The following IPO9 variants were observed in gnomAD, a reference collection of about 807,000 sequenced individuals.
IPO9 encodes importin 9.
IPO9 carries 28 observed loss-of-function variants against 128.6 expected under a neutral mutation model. The ratio of observed to expected loss-of-function variants is 0.22; its 90% CI spans 0.16 to 0.30. The LOEUF is 0.30. Among genes scored for constraint, IPO9 ranks in the 10% least tolerant of loss-of-function variants. IPO9 has a pLI of 1.00. For missense variants in IPO9, 935 were observed against 1,293.9 expected (o/e 0.72, Z 4.26); for synonymous variants, 455 against 475.8 (o/e 0.96, Z 0.57).
chr1:201,865,344 G>A (rs1322802328), intron 14 of IPO9, among the ~76,000 whole-genome samples: 1 of 151,970 alleles, frequency 6.6e-6, no homozygotes, highest in Non-Finnish European at 1.5e-5. Flanking sequence ...CAGCAGCTGG[G>A]ATTACAGGCA....
rs371377818 is a variant in IPO9, at chr1:201,871,187, G to A, written c.2436G>A (p.Leu812=). The part of the protein sequence containing the change: ...MQSLIMVFAH[L]VHTQLEPLLE... ...CCCTGATCATGGTGTTCGCTCATCT[G>A]GTGCACACTCAGCTAGAACCTCTCT... Residue 812 remains leucine, a synonymous_variant, in exon 19 of 24, where the codon CTG becomes CTA. Coordinates refer to ENST00000361565, the MANE Select transcript of IPO9 (RefSeq NM_018085.5). 20 of 1,613,858 alleles carry A rather than the reference G, an allele frequency of 1.2e-5. No individual in the cohort carries two copies. The East Asian group carries it at 3.8e-4, about 31-fold the overall frequency.
chr1:201,861,430 T>G (rs1050151685), intron 13 of IPO9, among the ~76,000 whole-genome samples: 11 of 152,216 alleles, frequency 7.2e-5, no homozygotes, highest in African/African-American at 2.7e-4. Context: ...ATATGAGATA[T>G]TCAACACTTT....
chr1:201,855,246 A>G, intron 9 of IPO9, 64 bp downstream of exon 9: 4 of 1,032,016 alleles, frequency 3.9e-6, no homozygotes, highest in Non-Finnish European at 6.0e-6. Context: ...GAAGCCAGAG[A>G]TGGGGGCGGG....
At chr1:201,843,717 A>G (rs547959832) in intron 1 of IPO9, among the ~76,000 whole-genome samples, 2 of 151,932 alleles carry the variant, frequency 1.3e-5, no homozygotes, top group African/African-American at 4.8e-5. Flanking sequence ...AATTCCAGCT[A>G]TTCCAGAGGC....
chr1:201,829,464 C>T (rs1171200928), intron 1 of IPO9, 92 bp downstream of exon 1: 2 of 1,302,204 alleles, frequency 1.5e-6, no homozygotes, highest in East Asian at 6.2e-5. Flanking sequence ...GAGCCTGAGC[C>T]AGTTGGAGAT....
At position 201,880,191 on chromosome 1, in the gene IPO9, A is replaced by T. The variant is rs1452064722; in HGVS notation, c.*4137A>T. 2 of 152,208 alleles carry T rather than the reference A, an allele frequency of 1.3e-5. No homozygotes were observed. The highest frequency in any genetic ancestry group is 2.4e-5 in the African/African-American group (1 of 41,436). 9.4% of individuals were successfully genotyped at this position (152,208 alleles called of 1,614,324 possible). Reference sequence around the variant, plus strand: ...GGCAATACCTTGTCTCTTAAAATTTAAAATAAAAAAAAAGTTTATTATGCC... The same window carrying T: ...GGCAATACCTTGTCTCTTAAAATTTTAAATAAAAAAAAAGTTTATTATGCC... On this transcript the variant is annotated 3_prime_UTR_variant, in exon 24 of 24. Transcript: ENST00000361565.
chr1:201,851,204 A>C (rs1248942518), intron 4 of IPO9, among the ~76,000 whole-genome samples: 1 of 141,888 alleles, frequency 7.0e-6, no homozygotes, highest in Middle Eastern at 3.8e-3. Context: ...TTTTAAATGT[A>C]CTGGCAGATC....
At chr1:201,859,787 C>G (rs1680408759) in intron 13 of IPO9, among the ~76,000 whole-genome samples, 1 of 152,132 alleles carries the variant, frequency 6.6e-6, no homozygotes. Flanking sequence ...TGGCGAAACC[C>G]CATCTCTACT....
rs564753130 is a variant in IPO9, at chr1:201,851,608, G to A, written c.515-496G>A. Among the ~76,000 whole-genome samples the A allele has an allele frequency of 2.7e-4, 41 of 152,148 alleles. No individual in the cohort carries two copies. The South Asian group carries it at 3.9e-3, about 15-fold the overall frequency. On this transcript the variant is annotated intron_variant, in intron 4 of 23. Transcript: ENST00000361565. Reference sequence around the variant, plus strand: ...GTTAGCAGCAGCCTCTGACTTTTAGGTCAATAAAATCTGAGAAGAGTAACA... The same window carrying A: ...GTTAGCAGCAGCCTCTGACTTTTAGATCAATAAAATCTGAGAAGAGTAACA...
chr1:201,838,947 C>T (rs1344928831), intron 1 of IPO9, among the ~76,000 whole-genome samples: 5 of 148,282 alleles, frequency 3.4e-5, no homozygotes, highest in African/African-American at 1.2e-4. Flanking sequence ...TGAGATGGAG[C>T]CTTGCTGTGT....
chr1:201,833,742 T>C (rs962777416), intron 1 of IPO9, among the ~76,000 whole-genome samples: 1 of 152,250 alleles, frequency 6.6e-6, no homozygotes, highest in Non-Finnish European at 1.5e-5. Context: ...GAAGTTATTA[T>C]GGTGTACAGT....
intron 21 of IPO9, 93 bp from the exon 22 acceptor site, chr1:201,874,739 C>A (rs974200507): frequency 4.7e-6 from 4 of 851,630 alleles, no homozygotes; most frequent in East Asian, 2.4e-5. Flanking sequence ...ATTGCAGAAG[C>A]CTTTGGGGCC....
rs563832188 is a variant in IPO9 at position 201,880,379 on chromosome 1, C to T, written c.*4325C>T. 2 of 152,256 alleles carry T rather than the reference C, an allele frequency of 1.3e-5. No individual in the cohort carries two copies. The highest frequency in any genetic ancestry group is 2.1e-4 in the South Asian group (1 of 4,826). The allele number at this position is 152,256 out of a possible 1,614,324, so 9.4% of individuals were successfully genotyped here. A position where few individuals can be genotyped will look rare whatever the true frequency, so the allele number is the denominator to read the frequency against. On this transcript the variant is annotated 3_prime_UTR_variant, in exon 24 of 24. Transcript: ENST00000361565. ...TGGTGCTCAACCGGAGGCTCCCTGA[C>T]AGATGAGTCCTCTGCCAGAGGAAGG...
rs992801531 is a variant in IPO9, at chr1:201,872,954, A to G, written c.2703A>G (p.Ser901=). 7 of 1,611,752 alleles carry G rather than the reference A, an allele frequency of 4.3e-6. No homozygotes were observed. In the African/African-American group the frequency reaches 9.3e-5, roughly 22 times the overall value. The part of the protein sequence containing the change: ...MDEGIRTRSK[S]AKNPERWTNI... ...AGGGCATCCGCACCCGCTCTAAGTC[A>G]GCCAAAAGTGGGTGCTGCTGCGATT... The change falls in exon 20 of 24, where the codon TCA becomes TCG. Residue 901 remains serine (S), a synonymous_variant. Coordinates refer to ENST00000361565, the MANE Select transcript of IPO9 (RefSeq NM_018085.5).
chr1:201,852,236 T>C, intron 5 of IPO9, 44 bp downstream of exon 5: 8 of 1,271,136 alleles, frequency 6.3e-6, no homozygotes, highest in Non-Finnish European at 9.1e-6. Context: ...TCAGGCTCTC[T>C]TCAGCCCCCA....
chr1:201,855,889 A>C lies in IPO9; in HGVS notation c.1077A>C (p.Glu359Asp), dbSNP rs758851046. The C allele has an allele frequency of 6.2e-7, 1 of 1,611,752 alleles. No individual in the cohort carries two copies. The highest frequency in any genetic ancestry group is 8.5e-7 in the Non-Finnish European group (1 of 1,179,420). ...GCACTGTTAAGAAAGCCTTGCCTGA[A>C]TTGATTTATTATATTATCCTGTACA... ...FKSTVKKALP[E>D]LIYYIILYMQ... The change falls in exon 10 of 24, where the codon GAA becomes GAC. Residue 359 changes from glutamate to aspartate, a missense_variant. Glu to Asp is a conservative substitution (Grantham distance 45). Around this residue, in one of 3 missense-constraint regions of IPO9, gnomAD observed 741 missense variants for 1,019.1 expected, o/e 0.73. Transcript: ENST00000361565.
intron 3 of IPO9, 50 bp from the exon 4 acceptor site, chr1:201,848,343 C>CA: frequency 2.7e-6 from 4 of 1,502,988 alleles, no homozygotes; most frequent in Non-Finnish European, 3.7e-6. Flanking sequence ...TGGGCTCTGC[C>CA]AGTCACTTTT....
intron 1 of IPO9, among the ~76,000 whole-genome samples, chr1:201,831,883 CTTT>C (rs370739148): frequency 7.0e-6 from 1 of 142,896 alleles, no homozygotes; most frequent in Non-Finnish European, 1.6e-5. Context: ...GTGTTTTTTG[CTTT>C]TGTTGTTGTT....
rs146088439 is a variant in IPO9, at chr1:201,856,694, G to A, written c.1123-402G>A. On this transcript the variant is annotated intron_variant, in intron 10 of 23. Coordinates refer to ENST00000361565, the MANE Select transcript of IPO9 (RefSeq NM_018085.5). ...TTTGTTGTTGTTGTTGTTTTGTTTT[G>A]TTTGCTTTTTGGGACAGGGTCTTGC... Among the ~76,000 whole-genome samples the A allele has an allele frequency of 3.7e-4, 57 of 152,076 alleles. 1 individual carries two copies. The East Asian group carries it at 9.9e-3, about 26-fold the overall frequency.
Sources: gnomAD v4.1 joint callset for allele counts (sites outside exome capture counted in the v4.1 genomes callset) on GRCh38, gnomAD v4.1.1 for gene constraint, gnomAD v4.1.1 regional missense constraint, MANE v1.5 for transcripts, NCBI Gene and HGNC (gene_info 2026-07-23, HGNC 2026-07-21) for gene names.